The following NXPE4 variants were observed in gnomAD, a reference collection of about 807,000 sequenced individuals.
NXPE4 encodes neurexophilin and PC-esterase domain family member 4.
Under a neutral mutation model 33.3 loss-of-function variants are expected in NXPE4, and 42 were observed. The observed-to-expected ratio is 1.26, with a 90% CI of 0.98 to 1.63. The LOEUF is 1.63. Among genes scored for constraint, NXPE4 ranks in the 40% most tolerant of loss-of-function variants. The pLI, the probability that NXPE4 is intolerant of heterozygous loss-of-function variation, is 0.00. For synonymous variants in NXPE4, 253 were observed against 234.9 expected, an observed-to-expected ratio of 1.08 and a Z score of -0.71; for missense variants, 709 against 647.6, an observed-to-expected ratio of 1.09 and a Z score of -1.03.
At chr11:114,631,414 A>G in the NXPE4 span, among the ~76,000 whole-genome samples, 4 of 151,232 alleles carry the variant, frequency 2.6e-5, no homozygotes, top group African/African-American at 7.3e-5. Context: ...TCAGTAAACT[A>G]TCGCAAGAAC....
At chr11:114,598,061 G>T (rs200296274), upstream of NXPE4, among the ~76,000 whole-genome samples, 3 of 152,010 alleles carry the variant, frequency 2.0e-5, no homozygotes, top group East Asian at 5.8e-4. Context: ...AGATACAATG[G>T]GACTATAGGC....
chr11:114,587,079 C>G (rs1307817495), intron 2 of NXPE4, among the ~76,000 whole-genome samples: 3 of 152,186 alleles, frequency 2.0e-5, no homozygotes, highest in South Asian at 2.1e-4. Flanking sequence ...TATTGTTGGC[C>G]CTTTGCGGAA....
chr11:114,602,014 A>G, the NXPE4 span, among the ~76,000 whole-genome samples: 72 of 90,578 alleles, frequency 7.9e-4, no homozygotes, highest in African/African-American at 3.0e-3. Flanking sequence ...GTATTATATT[A>G]TATATAATAT....
the NXPE4 span, among the ~76,000 whole-genome samples, chr11:114,640,001 TGTA>T: frequency 8.3e-6 from 1 of 120,014 alleles, no homozygotes; most frequent in African/African-American, 3.4e-5. Context: ...TGTTATATAA[TGTA>T]ATAATATATT....
intron 2 of NXPE4, among the ~76,000 whole-genome samples, chr11:114,585,634 A>G (rs1949275648): frequency 1.3e-5 from 2 of 152,116 alleles, no homozygotes; most frequent in South Asian, 4.1e-4. Context: ...TACATTCAAC[A>G]TTTAGAACAC....
At chr11:114,677,436 A>C in the NXPE4 span, among the ~76,000 whole-genome samples, 1 of 152,088 alleles carries the variant, frequency 6.6e-6, no homozygotes, top group Admixed American at 6.6e-5. Context: ...AAAGTTGAAA[A>C]ACAATTCTGG....
chr11:114,583,482 G>C, intron 2 of NXPE4: 1 of 647,258 alleles, frequency 1.5e-6, no homozygotes, highest in South Asian at 1.4e-5. Context: ...AAATTCTTGT[G>C]CTCCATCTAT....
At chr11:114,585,174 C>T (rs920242132) in intron 2 of NXPE4, among the ~76,000 whole-genome samples, 2 of 151,770 alleles carry the variant, frequency 1.3e-5, no homozygotes, top group Non-Finnish European at 2.9e-5. Context: ...CACTGCCTGC[C>T]ATCTGTCTTC....
the NXPE4 span, among the ~76,000 whole-genome samples, chr11:114,644,787 G>T: frequency 2.0e-5 from 3 of 151,270 alleles, no homozygotes; most frequent in Admixed American, 2.0e-4. Context: ...ATCTGCAGAG[G>T]ATGAAAATAA....
the NXPE4 span, among the ~76,000 whole-genome samples, chr11:114,651,919 C>G: frequency 3.3e-5 from 5 of 152,148 alleles, no homozygotes; most frequent in African/African-American, 4.8e-5. Context: ...AAACCATAAA[C>G]AAAACAAAGA....
At chr11:114,638,524 C>G in the NXPE4 span, among the ~76,000 whole-genome samples, 78,744 of 151,828 alleles carry the variant, frequency 0.52, 21,435 homozygotes, top group African/African-American at 0.65. Context: ...GTGTTCCTTT[C>G]GAGGAGGAGA....
the NXPE4 span, among the ~76,000 whole-genome samples, chr11:114,610,737 G>A: frequency 6.7e-6 from 1 of 150,262 alleles, no homozygotes; most frequent in African/African-American, 2.4e-5. Flanking sequence ...AACCACTGTT[G>A]CCCTTTGGAT....
the NXPE4 span, among the ~76,000 whole-genome samples, chr11:114,658,472 G>C: frequency 2.0e-5 from 3 of 152,126 alleles, no homozygotes; most frequent in Non-Finnish European, 2.9e-5. Context: ...GGTCAGGGCA[G>C]GAGACCAGAC....
At chr11:114,620,743 G>A in the NXPE4 span, among the ~76,000 whole-genome samples, 1 of 152,060 alleles carries the variant, frequency 6.6e-6, no homozygotes. Context: ...GTTACCCGAT[G>A]TATAATAAGT....
At chr11:114,624,897 G>T in the NXPE4 span, among the ~76,000 whole-genome samples, 189 of 150,722 alleles carry the variant, frequency 1.3e-3, no homozygotes, top group African/African-American at 4.4e-3. Context: ...GATAATAAGT[G>T]TGGCCTCATG....
At chr11:114,590,248 A>C (rs1369794010) in intron 2 of NXPE4, among the ~76,000 whole-genome samples, 1 of 152,132 alleles carries the variant, frequency 6.6e-6, no homozygotes, top group Admixed American at 6.6e-5. Context: ...ACTCTTTTTA[A>C]TTTCTTAGCT....
chr11:114,659,792 A>T, the NXPE4 span, among the ~76,000 whole-genome samples: 148 of 152,210 alleles, frequency 9.7e-4, 1 homozygote, highest in African/African-American at 3.4e-3. Context: ...ATTAAACCCA[A>T]AGTAAGCAGA....
the NXPE4 span, among the ~76,000 whole-genome samples, chr11:114,635,017 T>A: frequency 2.0e-5 from 3 of 151,974 alleles, no homozygotes; most frequent in Non-Finnish European, 4.4e-5. Flanking sequence ...ATTGGTAGCT[T>A]GATGGGGATG....
chr11:114,629,367 T>C, the NXPE4 span, among the ~76,000 whole-genome samples: 4 of 152,128 alleles, frequency 2.6e-5, 1 homozygote, highest in Admixed American at 6.5e-5. Flanking sequence ...TGGTTCAATA[T>C]ACACAAATCA....
Sources: gnomAD v4.1 joint callset for allele counts (sites outside exome capture counted in the v4.1 genomes callset) on GRCh38, gnomAD v4.1.1 for gene constraint, MANE v1.5 for transcripts, NCBI Gene and HGNC (gene_info 2026-07-23, HGNC 2026-07-21) for gene names.